SI: variants seen among roughly 807,000 people sequenced by gnomAD.
SI encodes sucrase-isomaltase.
In SI, 235 loss-of-function variants were observed where a neutral mutation model predicts 253.3. The ratio of observed to expected loss-of-function variants is 0.93; its 90% CI spans 0.83 to 1.03. The LOEUF is 1.03. Ranked by LOEUF, SI falls within the 50% of genes least tolerant of loss-of-function variation. The probability of loss-of-function intolerance (pLI) is 0.00; values close to 1 mark genes in which losing one functional copy is unlikely to be tolerated. For synonymous variants in SI, 819 were observed against 712.0 expected (o/e 1.15, Z -2.39); for missense variants, 2,442 against 2,211.1 (o/e 1.10, Z -2.09).
chr3:165,033,459 A>G lies in SI; in HGVS notation c.2516-15T>C, dbSNP rs758903173. 1.1e-5 allele frequency: 17 copies of G among 1,531,634 alleles called. No homozygotes were observed. The East Asian group carries it at 1.7e-4, about 15-fold the overall frequency. 94.9% of individuals were successfully genotyped at this position (1,531,634 alleles called of 1,614,324 possible). ...TTGTATTGTATCTGAAATGAAAAAT[A>G]TCGTGATCAGTACAAAATGCAATGT... On this transcript the variant is annotated splice_polypyrimidine_tract_variant and intron_variant, in intron 22 of 47. Transcript: ENST00000264382.
At chr3:165,083,053 T>C (rs890745765), upstream of SI, among the ~76,000 whole-genome samples, 2 of 151,966 alleles carry the variant, frequency 1.3e-5, no homozygotes, top group Non-Finnish European at 2.9e-5. Context: ...GGATATATCA[T>C]TGGTAATAAA....
At chr3:165,060,796 T>G (rs1202758730) in intron 9 of SI, among the ~76,000 whole-genome samples, 1 of 147,624 alleles carries the variant, frequency 6.8e-6, no homozygotes, top group Non-Finnish European at 1.5e-5. Context: ...TTTTCTTTGG[T>G]TTAGGCTTTT....
At position 165,059,246 on chromosome 3, in the gene SI, A is replaced by G. The variant is rs760365204; in HGVS notation, c.1200T>C (p.Tyr400=). 1.9e-6 allele frequency: 3 copies of G among 1,612,816 alleles called. No homozygotes were observed. Among genetic ancestry groups the G allele is most frequent in the Non-Finnish European group, 2.5e-6 (3 of 1,179,190 alleles). Residue 400 remains tyrosine (Y), a synonymous_variant, in exon 11 of 48, where the codon TAT becomes TAC. Transcript: ENST00000264382. The part of the protein sequence containing the change: ...DYMEDKKDFT[Y]DQVAFNGLPQ... ...GGAGTCCGTTAAACGCAACTTGATC[A>G]TAAGTAAAGTCTTTCTTGTCTTCCA...
At position 164,998,544 on chromosome 3, in the gene SI, G is replaced by A; in HGVS notation, c.4536C>T (p.Ile1512=). The A allele has an allele frequency of 6.2e-7, 1 of 1,611,896 alleles. No homozygotes were observed. Among genetic ancestry groups the A allele is most frequent in the Non-Finnish European group, 8.5e-7 (1 of 1,178,504 alleles). Residue 1512 remains isoleucine, a synonymous_variant, in exon 38 of 48, where the codon ATC becomes ATT. Coordinates refer to ENST00000264382, the MANE Select transcript of SI (RefSeq NM_001041.4). ...AAGATGGTGACTTTCACTTACCAAT[G>A]ATTGATTTGTCCATGTTGTCCCATC... The part of the protein sequence containing the change: ...YARWDNMDKS[I]IGMMEFSLFG...
chr3:165,052,675 G>A (rs892237097), intron 13 of SI, among the ~76,000 whole-genome samples: 3 of 151,642 alleles, frequency 2.0e-5, no homozygotes, highest in Non-Finnish European at 4.4e-5. Context: ...AAAAAAAATC[G>A]TCAACTTTGT....
intron 44 of SI, among the ~76,000 whole-genome samples, chr3:164,989,357 AAAGAAAGAAAGAAAGG>A (rs777446951): frequency 0.027 from 3,458 of 127,590 alleles, 81 homozygotes; most frequent in South Asian, 0.034. Context: ...GAGAAAGAAG[AAAGAAAGAAAGAAAGG>A]AAGAAAGAAA....
At chr3:164,984,752 T>C (rs929441033) in intron 45 of SI, among the ~76,000 whole-genome samples, 2 of 152,216 alleles carry the variant, frequency 1.3e-5, no homozygotes, top group Non-Finnish European at 2.9e-5. Flanking sequence ...TATTTCAAGA[T>C]AATTTGTTAC....
intron 45 of SI, among the ~76,000 whole-genome samples, chr3:164,986,219 T>C (rs1717426262): frequency 6.6e-6 from 1 of 152,076 alleles, no homozygotes; most frequent in African/African-American, 2.4e-5. Context: ...TCTCTGACCT[T>C]CTCCTGCCCT....
intron 16 of SI, among the ~76,000 whole-genome samples, chr3:165,044,297 A>G (rs1393078893): frequency 6.6e-6 from 1 of 151,980 alleles, no homozygotes; most frequent in Non-Finnish European, 1.5e-5. Context: ...TTCTTATTCT[A>G]TGGTGTACAT....
chr3:164,980,056 T>C (rs867784240), intron 47 of SI, among the ~76,000 whole-genome samples: 3 of 151,810 alleles, frequency 2.0e-5, no homozygotes, highest in Non-Finnish European at 4.4e-5. Flanking sequence ...CTCCTTTTTG[T>C]CCAATGAACT....
intron 13 of SI, among the ~76,000 whole-genome samples, chr3:165,053,087 CTTTTG>C (rs1364830375): frequency 1.3e-5 from 2 of 151,730 alleles, no homozygotes. Context: ...TTGACTAACA[CTTTTG>C]TTTTGAAATC....
intron 21 of SI, among the ~76,000 whole-genome samples, chr3:165,037,382 G>T (rs899176535): frequency 2.6e-5 from 4 of 151,786 alleles, no homozygotes; most frequent in Non-Finnish European, 5.9e-5. Context: ...TGGAGCACCA[G>T]CATTTTCAAG....
chr3:165,041,142 G>A, intron 17 of SI, 48 bp from the exon 18 acceptor site: 1 of 1,540,774 alleles, frequency 6.5e-7, no homozygotes, highest in Non-Finnish European at 9.0e-7. Flanking sequence ...AAGTATGAGT[G>A]AAAATTAAAG....
At chr3:165,038,097 G>T in intron 20 of SI, 73 bp from the exon 21 acceptor site, 1 of 1,377,498 alleles carries the variant, frequency 7.3e-7, no homozygotes, top group Non-Finnish European at 1.0e-6. Flanking sequence ...AGAATTAAAA[G>T]GCATTTTTAT....
At chr3:165,037,790 A>G in intron 21 of SI, 110 bp downstream of exon 21, 1 of 786,516 alleles carries the variant, frequency 1.3e-6, no homozygotes, top group Non-Finnish European at 2.2e-6. Context: ...TCTGTATGTC[A>G]AATATCTTCT....
rs954772863 is a variant in SI at position 165,043,064 on chromosome 3, A to T, written c.1999T>A (p.Tyr667Asn). 2.5e-6 allele frequency: 4 copies of T among 1,587,112 alleles called. No homozygotes were observed. The highest frequency in any genetic ancestry group is 3.5e-6 in the Non-Finnish European group (4 of 1,155,820). ...PFSRNHNSDG[Y>N]EHQDPAFFGQ... ...GGAGAACAAGAGGCTCTTACTTCAT[A>T]TCCGTCAGAATTATGGTTTCTGGAA... Residue 667 changes from tyrosine to asparagine, a missense_variant, in exon 17 of 48, where the codon TAT becomes AAT. Transcript: ENST00000264382.
In SI at chr3:164,979,064, T is replaced by A. The variant is rs911668160; in HGVS notation, c.*298A>T. The A allele has an allele frequency of 4.6e-6, 1 of 215,546 alleles. No individual in the cohort carries two copies. Among genetic ancestry groups the A allele is most frequent in the African/African-American group, 2.3e-5 (1 of 43,670 alleles). 13.4% of individuals were successfully genotyped at this position (215,546 alleles called of 1,614,324 possible). ...ATTTAATTTAAAAATCACGTTTAAA[T>A]TATATCTTAGCTATTTACATACATG... On this transcript the variant is annotated 3_prime_UTR_variant, in exon 48 of 48. Transcript: ENST00000264382.
chr3:165,026,534 C>G (rs887186997), intron 25 of SI, among the ~76,000 whole-genome samples: 2 of 151,334 alleles, frequency 1.3e-5, no homozygotes, highest in African/African-American at 2.4e-5. Flanking sequence ...AAGATACATT[C>G]TATTCATCAG....
chr3:165,055,138 A>G (rs765717190), intron 13 of SI, 56 bp downstream of exon 13: 24 of 984,988 alleles, frequency 2.4e-5, no homozygotes, highest in Non-Finnish European at 3.9e-5. Context: ...TAATTTTTAC[A>G]GATAAATAAG....
Sources: allele counts gnomAD v4.1 joint callset (sites outside exome capture counted in the v4.1 genomes callset), GRCh38; gene constraint gnomAD v4.1.1; transcripts MANE v1.5; gene names NCBI Gene and HGNC (gene_info 2026-07-23, HGNC 2026-07-21).